Variants in BMPR1B observed in about 807,000 individuals in gnomAD.
BMPR1B encodes the protein bone morphogenetic protein receptor type 1B.
In BMPR1B, 12 loss-of-function variants were observed where a neutral mutation model predicts 59.1. That is an observed-to-expected ratio of 0.20 (90% confidence interval 0.13 to 0.33). BMPR1B has a LOEUF of 0.33. Among genes scored for constraint, BMPR1B ranks in the 10% least tolerant of loss-of-function variants. The pLI, the probability that BMPR1B is intolerant of heterozygous loss-of-function variation, is 1.00. For missense variants in BMPR1B, 550 were observed against 610.9 expected (o/e 0.90, Z 1.05); for synonymous variants, 237 against 207.3 (o/e 1.14, Z -1.23).
At chr4:95,071,857 G>T (rs1369970752) in intron 3 of BMPR1B, among the ~76,000 whole-genome samples, 1 of 151,802 alleles carries the variant, frequency 6.6e-6, no homozygotes, top group Admixed American at 6.6e-5. Flanking sequence ...TGGTTATTTA[G>T]TGACACTTTG....
chr4:95,028,274 T>A (rs945076501), intron 3 of BMPR1B, among the ~76,000 whole-genome samples: 3 of 152,200 alleles, frequency 2.0e-5, no homozygotes, highest in African/African-American at 7.2e-5. Flanking sequence ...TAAAAGAAAC[T>A]GTTGGAATTT....
intron 2 of BMPR1B, among the ~76,000 whole-genome samples, chr4:94,976,750 C>T (rs1360056596): frequency 6.6e-6 from 1 of 152,120 alleles, no homozygotes; most frequent in Non-Finnish European, 1.5e-5. Flanking sequence ...TTCTATAGTT[C>T]TTTCTGTTCA....
At chr4:94,856,669 G>A (rs1266673809) in intron 1 of BMPR1B, among the ~76,000 whole-genome samples, 1 of 152,134 alleles carries the variant, frequency 6.6e-6, no homozygotes, top group African/African-American at 2.4e-5. Context: ...ATTGAAAAGG[G>A]ATGTCTATAA....
intron 4 of BMPR1B, among the ~76,000 whole-genome samples, chr4:95,112,958 A>G (rs1387443005): frequency 1.3e-5 from 2 of 152,072 alleles, no homozygotes; most frequent in African/African-American, 4.8e-5. Context: ...TAGCCCCTAT[A>G]CCTTCCTGAT....
intron 10 of BMPR1B, among the ~76,000 whole-genome samples, chr4:95,134,850 A>G (rs562577860): frequency 4.6e-5 from 7 of 152,234 alleles, no homozygotes; most frequent in African/African-American, 1.7e-4. Context: ...TGCTGTGCAG[A>G]AGCTCTTTAG....
chr4:95,010,177 C>G (rs1001291607), intron 3 of BMPR1B, among the ~76,000 whole-genome samples: 7 of 152,118 alleles, frequency 4.6e-5, no homozygotes, highest in African/African-American at 1.7e-4. Flanking sequence ...AAGATGGGTA[C>G]TTTACATTTC....
rs185078149 is a variant in BMPR1B, at chr4:94,989,090, A to G, written c.-112-6950A>G. Among the ~76,000 whole-genome samples the G allele has an allele frequency of 7.9e-5, 12 of 152,204 alleles. No homozygotes were observed. In the East Asian group the frequency reaches 2.3e-3, roughly 29 times the overall value. On this transcript the variant is annotated intron_variant, in intron 2 of 12. Coordinates refer to ENST00000515059, the MANE Select transcript of BMPR1B (RefSeq NM_001203.3). ...TCACAACTAAGTTTTTGTCAACAAC[A>G]TATTTTGAAATCATTCACGGCCGGG...
At chr4:94,976,675 C>G (rs1731046167) in intron 2 of BMPR1B, among the ~76,000 whole-genome samples, 1 of 152,132 alleles carries the variant, frequency 6.6e-6, no homozygotes, top group African/African-American at 2.4e-5. Context: ...AACCTTTGAA[C>G]TAAAAAGATA....
rs549742923 is a variant in BMPR1B, at chr4:95,094,423, A to G, written c.-17-9985A>G. On this transcript the variant is annotated intron_variant, in intron 3 of 12. Coordinates refer to ENST00000515059, the MANE Select transcript of BMPR1B (RefSeq NM_001203.3). The stretch of plus-strand genomic sequence containing the variant: ...AGAGGAGAGCCAGGAAGGGGAAAAG[A>G]TAATAGGGGAGAAAAGGAAAGGAAG... 8.5e-5 allele frequency among the ~76,000 whole-genome samples: 13 copies of G among 152,084 alleles called. No individual in the cohort carries two copies. In the South Asian group the frequency reaches 1.7e-3, roughly 19 times the overall value.
chr4:95,018,964 T>A (rs1723780304), intron 3 of BMPR1B, among the ~76,000 whole-genome samples: 1 of 152,160 alleles, frequency 6.6e-6, no homozygotes, highest in Admixed American at 6.5e-5. Flanking sequence ...GTCAGCAATG[T>A]CTGTGTAATC....
chr4:95,120,082 A>C (rs1339983778), intron 6 of BMPR1B, among the ~76,000 whole-genome samples: 2 of 152,106 alleles, frequency 1.3e-5, no homozygotes, highest in African/African-American at 4.8e-5. Context: ...ATGTGTGCTC[A>C]GTGTTTAGTT....
intron 11 of BMPR1B, among the ~76,000 whole-genome samples, chr4:95,150,797 T>C (rs930756960): frequency 3.3e-5 from 5 of 152,224 alleles, no homozygotes; most frequent in Non-Finnish European, 5.9e-5. Context: ...GAGTCCCTGC[T>C]CTGTCCCATA....
At chr4:94,758,634 T>C (rs1721626313) in intron 1 of BMPR1B, among the ~76,000 whole-genome samples, 1 of 152,126 alleles carries the variant, frequency 6.6e-6, no homozygotes, top group African/African-American at 2.4e-5. Flanking sequence ...AGCGGGCTGG[T>C]CCCGGCGCCT....
At chr4:95,026,118 C>CTTTCTTTCTTTCTTTCTTTCTT (rs1560602945) in intron 3 of BMPR1B, among the ~76,000 whole-genome samples, 40 of 143,432 alleles carry the variant, frequency 2.8e-4, no homozygotes, top group African/African-American at 1.0e-3. Context: ...TTCTTTCTTT[C>CTTTCTTTCTTTCTTTCTTTCTT]TTTCTTTCTT....
chr4:94,967,411 A>G (rs1730593112), intron 2 of BMPR1B, among the ~76,000 whole-genome samples: 1 of 151,904 alleles, frequency 6.6e-6, no homozygotes, highest in African/African-American at 2.4e-5. Context: ...CTGTAACTGT[A>G]TTCTCTTTTC....
intron 3 of BMPR1B, among the ~76,000 whole-genome samples, chr4:95,003,126 A>G (rs957165523): frequency 6.6e-6 from 1 of 152,132 alleles, no homozygotes; most frequent in Admixed American, 6.5e-5. Flanking sequence ...TATTTTTATT[A>G]AAGCTAACCA....
At chr4:95,115,871 C>A in intron 6 of BMPR1B, 84 bp downstream of exon 6, 4 of 1,222,376 alleles carry the variant, frequency 3.3e-6, no homozygotes, top group Non-Finnish European at 3.6e-6. Flanking sequence ...CTCTCTCAAT[C>A]TACCTGTACC....
intron 3 of BMPR1B, among the ~76,000 whole-genome samples, chr4:95,073,709 T>G (rs1728490891): frequency 6.6e-6 from 1 of 152,214 alleles, no homozygotes; most frequent in Admixed American, 6.6e-5. Context: ...AATAAACATC[T>G]AATACAAAAC....
intron 1 of BMPR1B, among the ~76,000 whole-genome samples, chr4:94,816,141 T>C (rs1242774496): frequency 2.6e-5 from 4 of 152,134 alleles, no homozygotes; most frequent in South Asian, 2.1e-4. Flanking sequence ...TGTTTTATGC[T>C]AGAGTTTTTA....
Sources: gnomAD v4.1 joint callset for allele counts (sites outside exome capture counted in the v4.1 genomes callset) on GRCh38, gnomAD v4.1.1 for gene constraint, MANE v1.5 for transcripts, NCBI Gene and HGNC (gene_info 2026-07-23, HGNC 2026-07-21) for gene names.